ZC3H12B: variants seen among roughly 807,000 people sequenced by gnomAD.
ZC3H12B encodes the protein zinc finger CCCH-type containing 12B.
A neutral mutation model predicts 43.9 loss-of-function variants in ZC3H12B; 7 were observed. The observed-to-expected ratio is 0.16, with a 90% CI of 0.09 to 0.30. ZC3H12B has a LOEUF of 0.30. Among genes scored for constraint, ZC3H12B ranks in the 10% least tolerant of loss-of-function variants. The probability of loss-of-function intolerance (pLI) is 1.00; values close to 1 mark genes in which losing one functional copy is unlikely to be tolerated. For synonymous variants in ZC3H12B, 222 were observed against 241.7 expected, an observed-to-expected ratio of 0.92 and a Z score of 0.76; for missense variants, 475 against 670.2, an observed-to-expected ratio of 0.71 and a Z score of 3.22.
At chrX:65,199,846 A>G in the ZC3H12B span, among the ~76,000 whole-genome samples, 1 of 106,415 alleles carries the variant, frequency 9.4e-6, no homozygotes, top group Non-Finnish European at 1.9e-5. Flanking sequence ...TATCCAATCT[A>G]TCATTGATGG....
the ZC3H12B span, among the ~76,000 whole-genome samples, chrX:65,233,541 A>T: frequency 3.6e-5 from 4 of 110,593 alleles, no homozygotes; most frequent in Non-Finnish European, 3.8e-5. Context: ...TAAAAAAAAA[A>T]AAATCAACAA....
At chrX:65,143,255 CTTTG>C in the ZC3H12B span, among the ~76,000 whole-genome samples, 5 of 110,376 alleles carry the variant, frequency 4.5e-5, no homozygotes, top group East Asian at 2.8e-4. Flanking sequence ...TTTTTTGTTT[CTTTG>C]TTTGTTTTTG....
chrX:65,046,117 A>G, the ZC3H12B span, among the ~76,000 whole-genome samples: 39 of 111,422 alleles, frequency 3.5e-4, no homozygotes, highest in East Asian at 7.9e-3. Context: ...TATGGGCCCT[A>G]GGATTTTTGG....
At chrX:65,330,285 C>A in the ZC3H12B span, among the ~76,000 whole-genome samples, 1 of 111,722 alleles carries the variant, frequency 9.0e-6, no homozygotes, top group Non-Finnish European at 1.9e-5. Context: ...AGTTGCTTAT[C>A]AGCTTAAGGA....
At chrX:65,189,572 T>A in the ZC3H12B span, among the ~76,000 whole-genome samples, 2 of 107,232 alleles carry the variant, frequency 1.9e-5, no homozygotes, top group Non-Finnish European at 3.8e-5. Flanking sequence ...TTTTCATGTG[T>A]TTTTTGGCTG....
At chrX:65,324,759 G>A in the ZC3H12B span, among the ~76,000 whole-genome samples, 1 of 111,172 alleles carries the variant, frequency 9.0e-6, no homozygotes, top group Non-Finnish European at 1.9e-5. Context: ...CTTGAGAAGA[G>A]TGTGTATTCT....
the ZC3H12B span, among the ~76,000 whole-genome samples, chrX:65,248,419 T>G: frequency 8.9e-6 from 1 of 111,733 alleles, no homozygotes; most frequent in African/African-American, 3.3e-5. Flanking sequence ...AAAAATGTAG[T>G]CTTGGAATAA....
chrX:65,343,317 C>T, the ZC3H12B span, among the ~76,000 whole-genome samples: 3 of 112,168 alleles, frequency 2.7e-5, no homozygotes, highest in South Asian at 1.1e-3. Context: ...TCTTTCCTAA[C>T]TCATTCTATG....
chrX:65,229,452 A>G, the ZC3H12B span, among the ~76,000 whole-genome samples: 1 of 108,274 alleles, frequency 9.2e-6, no homozygotes, highest in Non-Finnish European at 1.9e-5. Flanking sequence ...CCTAGGCATT[A>G]CCATTCAGGA....
At chrX:65,150,544 T>A in the ZC3H12B span, among the ~76,000 whole-genome samples, 4 of 109,701 alleles carry the variant, frequency 3.6e-5, no homozygotes, top group Non-Finnish European at 7.6e-5. Context: ...TGTGTCCATG[T>A]ATTCTGATTG....
chrX:65,060,805 C>T, the ZC3H12B span, among the ~76,000 whole-genome samples: 1 of 111,876 alleles, frequency 8.9e-6, no homozygotes, highest in Non-Finnish European at 1.9e-5. Flanking sequence ...CTTCGTTTCT[C>T]CTCTATTTTT....
chrX:65,189,564 T>C, the ZC3H12B span, among the ~76,000 whole-genome samples: 1 of 107,990 alleles, frequency 9.3e-6, no homozygotes, highest in Non-Finnish European at 1.9e-5. Flanking sequence ...TGAGCATTTT[T>C]TCATGTGTTT....
chrX:65,175,947 C>G, the ZC3H12B span, among the ~76,000 whole-genome samples: 1 of 111,949 alleles, frequency 8.9e-6, no homozygotes, highest in Non-Finnish European at 1.9e-5. Context: ...GGGTTTCAAG[C>G]ACAAAAGTGG....
intron 3 of ZC3H12B, among the ~76,000 whole-genome samples, chrX:65,448,520 A>C (rs975589570): frequency 2.7e-5 from 3 of 111,516 alleles, no homozygotes; most frequent in Admixed American, 9.5e-5. Context: ...AAATGTGTGG[A>C]TAAAGAAGAT....
At chrX:65,288,106 C>T in the ZC3H12B span, among the ~76,000 whole-genome samples, 1 of 109,526 alleles carries the variant, frequency 9.1e-6, no homozygotes. Context: ...CAATATTTAA[C>T]GAGGAAGATA....
intron 2 of ZC3H12B, among the ~76,000 whole-genome samples, chrX:65,380,684 C>A (rs1399898159): frequency 1.8e-5 from 2 of 111,629 alleles, no homozygotes; most frequent in Non-Finnish European, 3.8e-5. Flanking sequence ...AGAGTCAAGA[C>A]CCATCAGTGT....
the ZC3H12B span, among the ~76,000 whole-genome samples, chrX:65,146,802 A>G: frequency 2.7e-5 from 3 of 111,797 alleles, no homozygotes; most frequent in Non-Finnish European, 5.6e-5. Context: ...ACAGAGTCCT[A>G]TGATGTGAAC....
chrX:65,211,410 G>T, the ZC3H12B span, among the ~76,000 whole-genome samples: 48 of 108,120 alleles, frequency 4.4e-4, no homozygotes, highest in Middle Eastern at 9.4e-3. Flanking sequence ...AATAATAGTT[G>T]CCATTTACTG....
chrX:65,061,885 T>C, the ZC3H12B span, among the ~76,000 whole-genome samples: 15 of 112,812 alleles, frequency 1.3e-4, no homozygotes, highest in African/African-American at 4.8e-4. Context: ...GGTATCTCAT[T>C]GTGGTTTTGA....
Sources: allele counts gnomAD v4.1 joint callset (sites outside exome capture counted in the v4.1 genomes callset), GRCh38; gene constraint gnomAD v4.1.1; transcripts MANE v1.5; gene names NCBI Gene and HGNC (gene_info 2026-07-23, HGNC 2026-07-21).